PURG: variants seen among roughly 807,000 people sequenced by gnomAD.
The protein encoded by PURG is purine rich element binding protein G.
PURG carries 3 observed loss-of-function variants against 24.3 expected under a neutral mutation model. The ratio of observed to expected loss-of-function variants is 0.12; its 90% CI spans 0.06 to 0.32. PURG has a LOEUF of 0.32. PURG is among the 10% of genes least tolerant of loss of function. PURG has a pLI of 1.00. For missense variants in PURG, 371 were observed against 439.1 expected, an observed-to-expected ratio of 0.84 and a Z score of 1.39; for synonymous variants, 180 against 173.1, an observed-to-expected ratio of 1.04 and a Z score of -0.31.
intron 1 of PURG, among the ~76,000 whole-genome samples, chr8:31,023,771 T>C (rs1811044100): frequency 6.6e-6 from 1 of 152,092 alleles, no homozygotes; most frequent in Non-Finnish European, 1.5e-5. Flanking sequence ...CTGATGGTCT[T>C]TGTCAGACAT....
chr8:31,004,418 G>A lies in PURG; in HGVS notation c.865-7721C>T, dbSNP rs3757923. Among the ~76,000 whole-genome samples, 731 of 152,286 alleles carry A rather than the reference G, an allele frequency of 4.8e-3. 16 individuals carry two copies. Among genetic ancestry groups the A allele is most frequent in the Admixed American group, 0.041 (620 of 15,286 alleles). ...TACTACAAGAAAAATATCCTTGGCT[G>A]GGCACAGTGGCTCACGCAGGTAATC... On this transcript the variant is annotated intron_variant, in intron 1 of 1. Transcript: ENST00000339382.
intron 1 of PURG, among the ~76,000 whole-genome samples, chr8:31,022,436 C>G (rs1458863655): frequency 6.6e-6 from 1 of 152,108 alleles, no homozygotes; most frequent in African/African-American, 2.4e-5. Context: ...CTGGCAAGAG[C>G]GTGGAGAACA....
At chr8:31,023,283 C>T (rs138474174) in intron 1 of PURG, among the ~76,000 whole-genome samples, 220 of 152,208 alleles carry the variant, frequency 1.4e-3, no homozygotes, top group African/African-American at 4.8e-3. Flanking sequence ...GGAATGTTTC[C>T]GTAATGGAAT....
chr8:31,003,269 C>T (rs146746541), intron 1 of PURG, among the ~76,000 whole-genome samples: 6 of 152,076 alleles, frequency 3.9e-5, no homozygotes, highest in South Asian at 4.2e-4. Flanking sequence ...GTATTTTAGT[C>T]GTAGGTGAAA....
At chr8:31,021,978 T>TC (rs1811003037) in intron 1 of PURG, among the ~76,000 whole-genome samples, 1 of 151,292 alleles carries the variant, frequency 6.6e-6, no homozygotes, top group East Asian at 1.9e-4. Context: ...TTTCTTTTTT[T>TC]TTTTTTTTTT....
At chr8:31,003,066 C>T (rs1297766722) in intron 1 of PURG, among the ~76,000 whole-genome samples, 1 of 152,142 alleles carries the variant, frequency 6.6e-6, no homozygotes, top group African/African-American at 2.4e-5. Context: ...CAACAAGATT[C>T]TCTTGGTAAT....
downstream of PURG, among the ~76,000 whole-genome samples, chr8:31,027,789 A>G (rs1163911326): frequency 6.6e-6 from 1 of 151,720 alleles, no homozygotes; most frequent in East Asian, 1.9e-4. Context: ...TCTAGTTTTC[A>G]AATGTACATC....
In PURG at chr8:31,032,102, TTG is replaced by T; in HGVS notation, c.679_680del (p.Gln227ArgfsTer4). ...GQEQTIVLPA[Q>X]GMIEFRDALV... is the part of the protein sequence containing the mutation. ...AGGCATCACGAAACTCAATCATTCC[TTG>T]TGCTGGGAGGACAATAGTCTGTTCT... On this transcript the variant is annotated frameshift_variant, in exon 2 of 2. Coordinates refer to ENST00000523392, the MANE Select transcript of PURG (RefSeq NM_001323311.2). LOFTEE classifies it high-confidence loss of function. The surrounding 1 kb of genome is among the most constrained non-coding windows in gnomAD (Gnocchi z 5.9). 1 of 1,614,216 alleles carries T rather than the reference TTG, an allele frequency of 6.2e-7. No homozygotes were observed. The highest frequency in any genetic ancestry group is 8.5e-7 in the Non-Finnish European group (1 of 1,180,036).
chr8:31,019,800 G>A (rs918681835), intron 1 of PURG, among the ~76,000 whole-genome samples: 2 of 151,298 alleles, frequency 1.3e-5, no homozygotes, highest in African/African-American at 2.4e-5. Flanking sequence ...CAAAGTGCTG[G>A]GAGTACAGGC....
chr8:31,003,758 T>A (rs1178954518), intron 1 of PURG, among the ~76,000 whole-genome samples: 1 of 149,198 alleles, frequency 6.7e-6, no homozygotes, highest in African/African-American at 2.5e-5. Flanking sequence ...CAAGACTCCA[T>A]CTCAAAAAAA....
At chr8:31,008,366 C>T (rs374474057) in intron 1 of PURG, among the ~76,000 whole-genome samples, 2 of 152,180 alleles carry the variant, frequency 1.3e-5, no homozygotes, top group Non-Finnish European at 2.9e-5. Context: ...GGCATGATCT[C>T]GGCTCGCTGC....
At chr8:31,029,446 T>C (rs140176776), downstream of PURG, among the ~76,000 whole-genome samples, 10 of 151,924 alleles carry the variant, frequency 6.6e-5, no homozygotes, top group Non-Finnish European at 1.5e-4. Context: ...TATTTATCTT[T>C]AAGTCTGACA....
rs1461768452 is a variant in PURG at position 31,032,801 on chromosome 8, A to G, written c.-6-13T>C. 90 of 1,405,358 alleles carry G rather than the reference A, an allele frequency of 6.4e-5. No homozygotes were observed. Among genetic ancestry groups the G allele is most frequent in the Middle Eastern group, 5.2e-4 (2 of 3,858 alleles). 87.1% of individuals were successfully genotyped at this position (1,405,358 alleles called of 1,614,324 possible). A position where few individuals can be genotyped will look rare whatever the true frequency, so the allele number is the denominator to read the frequency against. Reference sequence around the variant, plus strand: ...TTTCCATCTTCAGCTGCAAGTAACAAACAGACACACGGGATGGGGTGGGGG... The same window carrying G: ...TTTCCATCTTCAGCTGCAAGTAACAGACAGACACACGGGATGGGGTGGGGG... On this transcript the variant is annotated splice_polypyrimidine_tract_variant and intron_variant, in intron 1 of 1. Transcript: ENST00000523392. The surrounding 1 kb of genome is among the most constrained non-coding windows in gnomAD (Gnocchi z 5.9).
intron 1 of PURG, among the ~76,000 whole-genome samples, chr8:31,016,583 A>AC (rs1810873269): frequency 7.7e-6 from 1 of 129,826 alleles, no homozygotes; most frequent in Admixed American, 8.3e-5. Context: ...CCAAGAACCA[A>AC]AAAAAAAAAA....
chr8:31,004,493 C>G (rs548686497), intron 1 of PURG, among the ~76,000 whole-genome samples: 2 of 152,144 alleles, frequency 1.3e-5, no homozygotes, highest in South Asian at 2.1e-4. Context: ...GTCAGGAGTT[C>G]GAGACCAGCC....
intron 1 of PURG, among the ~76,000 whole-genome samples, chr8:31,025,598 A>T (rs911046324): frequency 4.0e-5 from 6 of 151,506 alleles, no homozygotes; most frequent in African/African-American, 1.5e-4. Context: ...TGGTTGCTTT[A>T]ATTCATAATT....
downstream of PURG, among the ~76,000 whole-genome samples, chr8:31,029,051 T>C (rs1345692485): frequency 6.6e-6 from 1 of 151,834 alleles, no homozygotes; most frequent in African/African-American, 2.4e-5. Flanking sequence ...ATAAATAAAA[T>C]GCATATTGCA....
intron 1 of PURG, among the ~76,000 whole-genome samples, chr8:31,011,272 A>T (rs1220082396): frequency 6.6e-6 from 1 of 152,218 alleles, no homozygotes; most frequent in Non-Finnish European, 1.5e-5. Context: ...CCCCATCAAC[A>T]TACAGAAATC....
intron 1 of PURG, among the ~76,000 whole-genome samples, chr8:31,019,307 G>A (rs1046531210): frequency 1.5e-5 from 2 of 137,040 alleles, no homozygotes; most frequent in South Asian, 2.4e-4. Flanking sequence ...CTCAATGAGT[G>A]TTCAGGTGAA....
Sources: allele counts gnomAD v4.1 joint callset (sites outside exome capture counted in the v4.1 genomes callset), GRCh38; gene constraint gnomAD v4.1.1; non-coding constraint Gnocchi (gnomAD v3.1); transcripts MANE v1.5; gene names NCBI Gene and HGNC (gene_info 2026-07-23, HGNC 2026-07-21).